The following FRMD3 variants were observed in gnomAD, a reference collection of about 807,000 sequenced individuals.
FRMD3 encodes the protein FERM domain containing 3, also known as FERM domain-containing protein 3.
A neutral mutation model predicts 70.2 loss-of-function variants in FRMD3; 33 were observed. That is an observed-to-expected ratio of 0.47 (90% CI 0.36 to 0.63). FRMD3 has a LOEUF of 0.63. Ranked by LOEUF, FRMD3 falls within the 20% of genes least tolerant of loss-of-function variation. The probability of loss-of-function intolerance (pLI) is 0.00; values close to 1 mark genes in which losing one functional copy is unlikely to be tolerated. For missense variants in FRMD3, 632 were observed against 711.4 expected, an observed-to-expected ratio of 0.89 and a Z score of 1.27; for synonymous variants, 279 against 255.9, an observed-to-expected ratio of 1.09 and a Z score of -0.86.
intron 2 of FRMD3, among the ~76,000 whole-genome samples, chr9:83,375,223 G>A (rs1825104494): frequency 6.6e-6 from 1 of 152,214 alleles, no homozygotes; most frequent in Non-Finnish European, 1.5e-5. Context: ...TGTCTGCCAC[G>A]GAGGAGACAG....
chr9:83,377,771 T>C (rs1470022699), intron 2 of FRMD3, among the ~76,000 whole-genome samples: 3 of 152,140 alleles, frequency 2.0e-5, no homozygotes, highest in Non-Finnish European at 4.4e-5. Flanking sequence ...CAACTAAACC[T>C]GTTTTCTTAT....
chr9:83,471,685 C>T (rs7850633), intron 1 of FRMD3, among the ~76,000 whole-genome samples: 74,324 of 152,044 alleles, frequency 0.49, 18,510 homozygotes, highest in Middle Eastern at 0.58. Flanking sequence ...TCTTTTCTGA[C>T]CACAATGGGC....
chr9:83,319,343 T>C (rs915851677), intron 6 of FRMD3, among the ~76,000 whole-genome samples: 7 of 152,202 alleles, frequency 4.6e-5, no homozygotes, highest in African/African-American at 7.2e-5. Flanking sequence ...CTTTAATCCA[T>C]CTTGAGTTAA....
chr9:83,254,832 A>G (rs1486912468), intron 13 of FRMD3, among the ~76,000 whole-genome samples: 1 of 152,188 alleles, frequency 6.6e-6, no homozygotes, highest in Non-Finnish European at 1.5e-5. Context: ...ACAGAGAGAA[A>G]CTGAATATCT....
the FRMD3 span, among the ~76,000 whole-genome samples, chr9:83,545,770 G>A: frequency 3.3e-5 from 5 of 152,084 alleles, no homozygotes; most frequent in African/African-American, 1.2e-4. Flanking sequence ...TTAAAAGTTT[G>A]GAAAACCTAT....
At chr9:83,448,038 A>G (rs577794305) in intron 1 of FRMD3, among the ~76,000 whole-genome samples, 66 of 152,274 alleles carry the variant, frequency 4.3e-4, no homozygotes, top group African/African-American at 1.5e-3. Context: ...CCCAAACTAA[A>G]TAAAATGCCA....
chr9:83,269,930 T>C (rs188965933), intron 13 of FRMD3, among the ~76,000 whole-genome samples: 1 of 152,332 alleles, frequency 6.6e-6, no homozygotes, highest in African/African-American at 2.4e-5. Flanking sequence ...AAAGATAAGC[T>C]AGCAAGACAA....
the FRMD3 span, among the ~76,000 whole-genome samples, chr9:83,576,175 A>T: frequency 2.5e-4 from 38 of 152,332 alleles, no homozygotes; most frequent in East Asian, 6.9e-3. Flanking sequence ...ATCCAACAAC[A>T]TACACAAGGA....
chr9:83,500,500 GCGCACACACACACACA>G (rs1358551677), intron 1 of FRMD3, among the ~76,000 whole-genome samples: 6 of 136,632 alleles, frequency 4.4e-5, no homozygotes, highest in African/African-American at 8.6e-5. Context: ...GCGTGTATGC[GCGCACACACACACACA>G]CACACACACA....
the FRMD3 span, among the ~76,000 whole-genome samples, chr9:83,549,157 A>G: frequency 1.3e-5 from 2 of 152,032 alleles, no homozygotes; most frequent in African/African-American, 2.4e-5. Context: ...CTTTGTGTTC[A>G]TAAGTTCTTA....
At chr9:83,450,230 GACAC>G (rs954614825) in intron 1 of FRMD3, among the ~76,000 whole-genome samples, 94 of 141,772 alleles carry the variant, frequency 6.6e-4, no homozygotes, top group Admixed American at 1.1e-3. Context: ...CACACACACA[GACAC>G]ACACACACAC....
chr9:83,334,420 C>T (rs974954752), intron 6 of FRMD3, among the ~76,000 whole-genome samples: 8 of 152,198 alleles, frequency 5.3e-5, no homozygotes, highest in African/African-American at 1.9e-4. Context: ...TTCCCAGACT[C>T]ACCAGTAGGG....
At chr9:83,332,359 T>C (rs1823409754) in intron 6 of FRMD3, among the ~76,000 whole-genome samples, 1 of 151,392 alleles carries the variant, frequency 6.6e-6, no homozygotes, top group African/African-American at 2.4e-5. Context: ...CAAGGAAGAG[T>C]CAGTCTCTCT....
At chr9:83,442,307 G>A (rs1827324044) in intron 1 of FRMD3, among the ~76,000 whole-genome samples, 1 of 148,492 alleles carries the variant, frequency 6.7e-6, no homozygotes, top group African/African-American at 2.5e-5. Context: ...GCCCAGGCTG[G>A]AGTGCAGTGG....
intron 6 of FRMD3, among the ~76,000 whole-genome samples, chr9:83,317,028 G>A (rs1564011907): frequency 6.6e-6 from 1 of 151,904 alleles, no homozygotes; most frequent in Non-Finnish European, 1.5e-5. Context: ...ATGTAGCAAG[G>A]TCACTTCTAA....
chr9:83,289,425 C>T (rs1834330024), intron 13 of FRMD3, among the ~76,000 whole-genome samples: 1 of 152,208 alleles, frequency 6.6e-6, no homozygotes, highest in Admixed American at 6.5e-5. Context: ...ACTTTTCCTC[C>T]ACCCATGGAA....
chr9:83,247,383 T>C lies in FRMD3; in HGVS notation c.*535A>G. 1 of 864,208 alleles carries C rather than the reference T, an allele frequency of 1.2e-6. No individual in the cohort carries two copies. Among genetic ancestry groups the C allele is most frequent in the Non-Finnish European group, 1.3e-6 (1 of 764,968 alleles). The allele number at this position is 864,208 out of a possible 1,614,324, so 53.5% of individuals were successfully genotyped here. ...TACATGTAAATAACTCCAGGAGGCTTCTTTTTTTTTTTTGCTAAAAATTTA... is the reference window on the plus strand; with the variant it reads ...TACATGTAAATAACTCCAGGAGGCTCCTTTTTTTTTTTTGCTAAAAATTTA... On this transcript the variant is annotated 3_prime_UTR_variant, in exon 14 of 14. Transcript: ENST00000304195.
intron 2 of FRMD3, among the ~76,000 whole-genome samples, chr9:83,385,848 G>A (rs141109352): frequency 8.2e-4 from 125 of 152,020 alleles, no homozygotes; most frequent in African/African-American, 2.8e-3. Context: ...CCCATTTTCC[G>A]CCTTCTCTCT....
At chr9:83,427,627 G>A (rs1043974448) in intron 1 of FRMD3, among the ~76,000 whole-genome samples, 3 of 151,868 alleles carry the variant, frequency 2.0e-5, no homozygotes, top group African/African-American at 7.3e-5. Context: ...ATGTTAGTAT[G>A]AACTGACTCT....
Sources: gnomAD v4.1 joint callset for allele counts (sites outside exome capture counted in the v4.1 genomes callset) on GRCh38, gnomAD v4.1.1 for gene constraint, MANE v1.5 for transcripts, NCBI Gene and HGNC (gene_info 2026-07-23, HGNC 2026-07-21) for gene names.